Variants in OR10J1 observed in about 807,000 individuals in gnomAD.
The protein encoded by OR10J1 is olfactory receptor 10J1.
For missense variants in OR10J1, 474 were observed against 376.6 expected, an observed-to-expected ratio of 1.26 and a Z score of -2.14; for synonymous variants, 202 against 143.8, an observed-to-expected ratio of 1.40 and a Z score of -2.89.
chr1:159,397,617 C>T, the OR10J1 span, among the ~76,000 whole-genome samples: 1 of 152,092 alleles, frequency 6.6e-6, no homozygotes. Flanking sequence ...TCTGGCAGTA[C>T]TCCTCATGGC....
chr1:159,425,386 T>C, the OR10J1 span, among the ~76,000 whole-genome samples: 1 of 152,070 alleles, frequency 6.6e-6, no homozygotes, highest in Non-Finnish European at 1.5e-5. Flanking sequence ...AACTTCAGAA[T>C]GGTGGTATTA....
At chr1:159,423,907 A>C in the OR10J1 span, among the ~76,000 whole-genome samples, 1 of 152,166 alleles carries the variant, frequency 6.6e-6, no homozygotes, top group African/African-American at 2.4e-5. Flanking sequence ...TTTTTATTAG[A>C]TATGAATGGA....
the OR10J1 span, chr1:159,406,044 C>T: frequency 2.4e-5 from 10 of 422,118 alleles, no homozygotes; most frequent in Middle Eastern, 3.7e-4. Flanking sequence ...GTTGTTGATG[C>T]CAAAAGTCAC....
chr1:159,422,985 T>C, the OR10J1 span, among the ~76,000 whole-genome samples: 1 of 152,196 alleles, frequency 6.6e-6, no homozygotes, highest in Non-Finnish European at 1.5e-5. Context: ...AAATGAGCTA[T>C]TCAAAGTAAT....
At chr1:159,403,858 A>T in the OR10J1 span, among the ~76,000 whole-genome samples, 1 of 152,172 alleles carries the variant, frequency 6.6e-6, no homozygotes, top group Non-Finnish European at 1.5e-5. Context: ...TTTGGAAGCA[A>T]CCTAAGTGTC....
chr1:159,412,534 A>T, the OR10J1 span, among the ~76,000 whole-genome samples: 1 of 147,376 alleles, frequency 6.8e-6, no homozygotes, highest in African/African-American at 2.6e-5. Context: ...ATAATGCCAC[A>T]TATCTACAAC....
At chr1:159,415,018 T>C in the OR10J1 span, among the ~76,000 whole-genome samples, 1 of 152,278 alleles carries the variant, frequency 6.6e-6, no homozygotes, top group African/African-American at 2.4e-5. Context: ...TCCCATTCAA[T>C]GTGTTGTTTC....
the OR10J1 span, among the ~76,000 whole-genome samples, chr1:159,417,755 G>A: frequency 6.6e-6 from 1 of 152,328 alleles, no homozygotes; most frequent in Admixed American, 6.5e-5. Flanking sequence ...AACAGGCAGA[G>A]GTTGGAACAG....
the OR10J1 span, among the ~76,000 whole-genome samples, chr1:159,423,929 G>C: frequency 6.6e-6 from 1 of 152,208 alleles, no homozygotes; most frequent in Middle Eastern, 3.4e-3. Context: ...AGCCAAGGTG[G>C]TTTCTAACAT....
the OR10J1 span, among the ~76,000 whole-genome samples, chr1:159,412,891 T>A: frequency 6.7e-6 from 1 of 150,278 alleles, no homozygotes; most frequent in Non-Finnish European, 1.5e-5. Flanking sequence ...ACCATCAGAG[T>A]GAACAGGCAA....
the OR10J1 span, among the ~76,000 whole-genome samples, chr1:159,430,215 C>G: frequency 6.6e-6 from 1 of 151,748 alleles, no homozygotes. Flanking sequence ...TGGGTACCAG[C>G]CTTAAGGAAG....
At chr1:159,434,320 G>T (rs1655675381), upstream of OR10J1, among the ~76,000 whole-genome samples, 1 of 152,064 alleles carries the variant, frequency 6.6e-6, no homozygotes, top group Non-Finnish European at 1.5e-5. Context: ...AAAAGGAGAA[G>T]GCTCCACCCC....
chr1:159,400,238 C>T, the OR10J1 span, among the ~76,000 whole-genome samples: 3 of 151,810 alleles, frequency 2.0e-5, no homozygotes, highest in African/African-American at 7.3e-5. Flanking sequence ...TCAACAATAA[C>T]ATTGAATGCG....
the OR10J1 span, among the ~76,000 whole-genome samples, chr1:159,407,265 A>G: frequency 1.3e-5 from 2 of 152,256 alleles, no homozygotes; most frequent in East Asian, 3.9e-4. Context: ...GGGAAGCAGT[A>G]TGTACTCTGA....
In OR10J1 at chr1:159,440,372, A is replaced by G. The variant is rs140818033; in HGVS notation, c.581A>G (p.Asn194Ser). Residue 194 changes from asparagine to serine, a missense_variant, in exon 1 of 1, where the codon AAT becomes AGT. Physicochemically the swap from Asn to Ser is conservative, Grantham distance 46. Transcript: ENST00000423932. ...CTCTCCTGCATTGACACCACTGTCA[A>G]TGAAATCCTGACTTTGATTATCAGT... ...MKLSCIDTTVNEILTLIISVL... is the reference protein window; with the variant it reads ...MKLSCIDTTVSEILTLIISVL... The G allele has an allele frequency of 3.4e-4, 551 of 1,614,162 alleles. 2 individuals are homozygous for G. The highest frequency in any genetic ancestry group is 3.9e-4 in the Non-Finnish European group (458 of 1,180,026).
At chr1:159,439,700 G>T, upstream of OR10J1, 5 of 1,509,028 alleles carry the variant, frequency 3.3e-6, no homozygotes, top group South Asian at 6.1e-5. Context: ...GAGAACTATT[G>T]AACTTCAATC....
chr1:159,401,825 A>AT, the OR10J1 span, among the ~76,000 whole-genome samples: 1 of 152,256 alleles, frequency 6.6e-6, no homozygotes, highest in South Asian at 2.1e-4. Context: ...TTTTTTATGA[A>AT]TATTGATGCA....
the OR10J1 span, among the ~76,000 whole-genome samples, chr1:159,401,909 G>A: frequency 0.086 from 13,090 of 152,008 alleles, 1,342 homozygotes; most frequent in African/African-American, 0.25. Flanking sequence ...GACCAAGTGG[G>A]ATTTAATCCT....
the OR10J1 span, among the ~76,000 whole-genome samples, chr1:159,419,149 G>A: frequency 6.6e-6 from 1 of 152,188 alleles, no homozygotes; most frequent in South Asian, 2.1e-4. Flanking sequence ...TTGAGTTAAT[G>A]CTGAAATGAG....
Sources: allele counts gnomAD v4.1 joint callset (sites outside exome capture counted in the v4.1 genomes callset), GRCh38; gene constraint gnomAD v4.1.1; transcripts MANE v1.5; gene names NCBI Gene and HGNC (gene_info 2026-07-23, HGNC 2026-07-21).